The following MECOM variants were observed in gnomAD, a reference collection of about 807,000 sequenced individuals.
The protein encoded by MECOM is MDS1 and EVI1 complex locus.
A neutral mutation model predicts 116.3 loss-of-function variants in MECOM; 13 were observed. That is an observed-to-expected ratio of 0.11 (90% CI 0.07 to 0.18). The LOEUF (loss-of-function observed/expected upper bound fraction) is 0.18, where lower values mean the gene tolerates loss of function less well. Among genes scored for constraint, MECOM ranks in the 10% least tolerant of loss-of-function variants. The pLI, the probability that MECOM is intolerant of heterozygous loss-of-function variation, is 1.00. For synonymous variants in MECOM, 528 were observed against 535.2 expected, an observed-to-expected ratio of 0.99 and a Z score of 0.19; for missense variants, 1,299 against 1,509.0, an observed-to-expected ratio of 0.86 and a Z score of 2.31.
chr3:169,656,578 C>T (rs1346043800), intron 1 of MECOM, among the ~76,000 whole-genome samples: 1 of 152,094 alleles, frequency 6.6e-6, no homozygotes, highest in Non-Finnish European at 1.5e-5. Context: ...AAGCAAAACA[C>T]TCCCCCATTT....
At chr3:169,476,123 CAT>C (rs975866511) in intron 1 of MECOM, among the ~76,000 whole-genome samples, 2 of 152,114 alleles carry the variant, frequency 1.3e-5, no homozygotes, top group Non-Finnish European at 2.9e-5. Flanking sequence ...GAAAGGGAAA[CAT>C]ATATATAGTA....
chr3:169,477,093 GTGTGTGTGTGTGTATATATATATATATA>G (rs1290989869), intron 1 of MECOM: 1 of 56,068 alleles, frequency 1.8e-5, no homozygotes, highest in East Asian at 3.8e-4. Flanking sequence ...GTGTGTGTGT[GTGTGTGTGTGTGTATATATATATATATA>G]TATATATATA....
intron 10 of MECOM, 124 bp from the exon 11 acceptor site, chr3:169,102,350 T>C (rs997768829): frequency 2.8e-6 from 2 of 717,626 alleles, no homozygotes; most frequent in Admixed American, 6.3e-5. Flanking sequence ...AGAAAGAGAC[T>C]GTAGTATCCC....
At chr3:169,090,291 A>G in intron 14 of MECOM, 55 bp from the exon 15 acceptor site, 1 of 1,488,258 alleles carries the variant, frequency 6.7e-7, no homozygotes, top group Middle Eastern at 1.8e-4. Flanking sequence ...TTAAAATTGT[A>G]ATTTGTTCCT....
chr3:169,192,843 G>C (rs1241618369), intron 2 of MECOM, among the ~76,000 whole-genome samples: 1 of 152,054 alleles, frequency 6.6e-6, no homozygotes, highest in Non-Finnish European at 1.5e-5. Context: ...GTGATGTCAT[G>C]CATTCACACA....
chr3:169,560,599 A>G (rs1762530872), intron 1 of MECOM, among the ~76,000 whole-genome samples: 1 of 152,168 alleles, frequency 6.6e-6, no homozygotes, highest in Non-Finnish European at 1.5e-5. Flanking sequence ...TACAAATTGA[A>G]AATTTAAAAG....
chr3:169,377,992 A>G (rs1049971783), intron 2 of MECOM, among the ~76,000 whole-genome samples: 1 of 152,172 alleles, frequency 6.6e-6, no homozygotes, highest in Non-Finnish European at 1.5e-5. Flanking sequence ...CTATGCAGCC[A>G]TAAAAAAGAA....
Position 169,164,774 on chromosome 3 carries a change from G to A in MECOM, c.376-20942C>T, listed in dbSNP as rs186386576. On this transcript the variant is annotated intron_variant, in intron 2 of 16. Transcript: ENST00000651503. ...ACCATAATTATGTCTCATAGCTCAG[G>A]GAAGGTCATTTGGGGTTGTTAGTGG... Among the ~76,000 whole-genome samples, 525 of 152,194 alleles carry A rather than the reference G, an allele frequency of 3.4e-3. 1 individual carries two copies. The highest frequency in any genetic ancestry group is 5.2e-3 in the Non-Finnish European group (354 of 67,998).
At chr3:169,405,785 A>T (rs1736604940) in intron 1 of MECOM, among the ~76,000 whole-genome samples, 1 of 152,204 alleles carries the variant, frequency 6.6e-6, no homozygotes, top group Non-Finnish European at 1.5e-5. Flanking sequence ...ATCTATTCAC[A>T]TGCAAGCATA....
At chr3:169,353,066 T>C (rs1424717832) in intron 2 of MECOM, among the ~76,000 whole-genome samples, 1 of 151,868 alleles carries the variant, frequency 6.6e-6, no homozygotes, top group Non-Finnish European at 1.5e-5. Context: ...TTCATAAAAA[T>C]AAAAATCACC....
intron 1 of MECOM, among the ~76,000 whole-genome samples, chr3:169,460,132 C>A (rs1200304303): frequency 6.6e-6 from 1 of 152,052 alleles, no homozygotes; most frequent in Non-Finnish European, 1.5e-5. Context: ...CTCCCACGTC[C>A]TCACTGGGAA....
intron 1 of MECOM, among the ~76,000 whole-genome samples, chr3:169,468,333 C>T (rs778625650): frequency 6.6e-6 from 1 of 152,162 alleles, no homozygotes; most frequent in African/African-American, 2.4e-5. Context: ...ATCTGCTCCA[C>T]TGGTCTCATG....
chr3:169,606,447 A>T (rs1200641929), intron 1 of MECOM, among the ~76,000 whole-genome samples: 1 of 151,998 alleles, frequency 6.6e-6, no homozygotes, highest in African/African-American at 2.4e-5. Context: ...AAGAAATTAA[A>T]TGATACCCAG....
At chr3:169,298,368 T>G (rs943579946) in intron 2 of MECOM, among the ~76,000 whole-genome samples, 3 of 151,960 alleles carry the variant, frequency 2.0e-5, no homozygotes, top group African/African-American at 7.2e-5. Context: ...TTAAATGAGA[T>G]ATGTATATTA....
At chr3:169,515,926 G>A (rs919480873) in intron 1 of MECOM, among the ~76,000 whole-genome samples, 10 of 152,032 alleles carry the variant, frequency 6.6e-5, no homozygotes, top group African/African-American at 2.4e-4. Context: ...CATCTGACTG[G>A]GGGGAAAATG....
Position 169,636,250 on chromosome 3 carries a change from C to T in MECOM, c.37+27086G>A, listed in dbSNP as rs76836010. 8.5e-3 allele frequency among the ~76,000 whole-genome samples: 1,292 copies of T among 152,326 alleles called. 16 individuals are homozygous for T. Among genetic ancestry groups the T allele is most frequent in the African/African-American group, 0.029 (1,219 of 41,568 alleles). ...ATTTTCATCACCTTATCCACACAGACATCAAGAAATTTTATAAAACACTTT... is the reference window on the plus strand; with the variant it reads ...ATTTTCATCACCTTATCCACACAGATATCAAGAAATTTTATAAAACACTTT... On this transcript the variant is annotated intron_variant, in intron 1 of 16. Transcript: ENST00000651503.
At chr3:169,456,124 C>T (rs1746447225) in intron 1 of MECOM, among the ~76,000 whole-genome samples, 1 of 152,070 alleles carries the variant, frequency 6.6e-6, no homozygotes, top group Admixed American at 6.5e-5. Context: ...ACATGGGATC[C>T]ACATTCTGGG....
At chr3:169,125,062 C>A (rs187996751) in intron 5 of MECOM, among the ~76,000 whole-genome samples, 1 of 152,080 alleles carries the variant, frequency 6.6e-6, no homozygotes, top group Non-Finnish European at 1.5e-5. Flanking sequence ...TCTATTCGTA[C>A]TGGCACAAGA....
At chr3:169,477,509 G>A (rs1750671526) in intron 1 of MECOM, among the ~76,000 whole-genome samples, 1 of 152,098 alleles carries the variant, frequency 6.6e-6, no homozygotes, top group Non-Finnish European at 1.5e-5. Context: ...GAATGGAATT[G>A]TAAGATTAAT....
Sources: allele counts gnomAD v4.1 joint callset (sites outside exome capture counted in the v4.1 genomes callset), GRCh38; gene constraint gnomAD v4.1.1; transcripts MANE v1.5; gene names NCBI Gene and HGNC (gene_info 2026-07-23, HGNC 2026-07-21).